Variants in NEK7 observed in about 807,000 individuals in gnomAD.
The protein encoded by NEK7 is NIMA related kinase 7.
Under a neutral mutation model 44.6 loss-of-function variants are expected in NEK7, and 18 were observed. The observed-to-expected ratio is 0.40, with a 90% CI of 0.28 to 0.60. NEK7 has a LOEUF of 0.60. NEK7 is among the 20% of genes least tolerant of loss of function. The pLI, the probability that NEK7 is intolerant of heterozygous loss-of-function variation, is 0.38. For synonymous variants in NEK7, 130 were observed against 121.1 expected, an observed-to-expected ratio of 1.07 and a Z score of -0.48; for missense variants, 256 against 366.5, an observed-to-expected ratio of 0.70 and a Z score of 2.46.
chr1:198,287,868 G>A (rs1030153343), intron 7 of NEK7, among the ~76,000 whole-genome samples: 15 of 152,182 alleles, frequency 9.9e-5, no homozygotes, highest in Non-Finnish European at 7.3e-5. Flanking sequence ...TTCTCAGTGA[G>A]ACAAATGGTT....
intron 1 of NEK7, among the ~76,000 whole-genome samples, chr1:198,225,010 A>T (rs1326140205): frequency 1.9e-4 from 29 of 152,198 alleles, no homozygotes; most frequent in Admixed American, 1.8e-3. Context: ...TGCAGTGAAG[A>T]TACAAATTTC....
chr1:198,250,445 C>A (rs1376816080), intron 2 of NEK7, among the ~76,000 whole-genome samples: 5 of 152,004 alleles, frequency 3.3e-5, no homozygotes, highest in Non-Finnish European at 7.4e-5. Flanking sequence ...ATGGGAACGG[C>A]ATTGAATCTA....
At chr1:198,179,817 G>C (rs867330598) in intron 1 of NEK7, among the ~76,000 whole-genome samples, 1 of 151,498 alleles carries the variant, frequency 6.6e-6, no homozygotes, top group African/African-American at 2.4e-5. Flanking sequence ...GTGTGTGTAT[G>C]TATGTGTGTG....
intron 9 of NEK7, among the ~76,000 whole-genome samples, chr1:198,309,008 T>A (rs2103031193): frequency 6.6e-6 from 1 of 152,302 alleles, no homozygotes; most frequent in Non-Finnish European, 1.5e-5. Flanking sequence ...ATCCTCTAGA[T>A]CTTGCAGTTT....
At chr1:198,280,399 A>G (rs1654158479) in intron 7 of NEK7, among the ~76,000 whole-genome samples, 1 of 152,086 alleles carries the variant, frequency 6.6e-6, no homozygotes. Flanking sequence ...ACACCTGCAC[A>G]TGCCCCTGCT....
chr1:198,318,167 A>G (rs1034868309), intron 9 of NEK7, among the ~76,000 whole-genome samples: 2 of 152,206 alleles, frequency 1.3e-5, no homozygotes, highest in East Asian at 3.9e-4. Context: ...GGATGAGAAC[A>G]GCCCTTATAG....
chr1:198,233,744 C>T (rs1009665339), intron 2 of NEK7, among the ~76,000 whole-genome samples: 2 of 140,464 alleles, frequency 1.4e-5, no homozygotes, highest in Admixed American at 7.0e-5. Context: ...TCTATGGGAT[C>T]CTTTTTTTTT....
At chr1:198,217,111 G>A (rs938956417) in intron 1 of NEK7, among the ~76,000 whole-genome samples, 10 of 152,058 alleles carry the variant, frequency 6.6e-5, no homozygotes, top group African/African-American at 2.4e-4. Context: ...TATGAAGCTA[G>A]TGTCACCCTG....
intron 1 of NEK7, among the ~76,000 whole-genome samples, chr1:198,163,599 G>A (rs1433269961): frequency 6.6e-6 from 1 of 152,092 alleles, no homozygotes; most frequent in African/African-American, 2.4e-5. Flanking sequence ...ATTCCAAACA[G>A]TTTATTTCTA....
intron 1 of NEK7, among the ~76,000 whole-genome samples, chr1:198,163,294 A>G (rs1664163692): frequency 6.6e-6 from 1 of 152,070 alleles, no homozygotes; most frequent in Non-Finnish European, 1.5e-5. Flanking sequence ...GGAGTTCAAG[A>G]CCAGCCTGAT....
At chr1:198,263,984 C>A in intron 4 of NEK7, 141 bp from the exon 5 acceptor site, 1 of 687,696 alleles carries the variant, frequency 1.5e-6, no homozygotes, top group Non-Finnish European at 2.1e-6. Context: ...TTTCACAATT[C>A]ACTAAAGAAA....
chr1:198,163,182 A>G (rs2102700024), intron 1 of NEK7, among the ~76,000 whole-genome samples: 1 of 152,268 alleles, frequency 6.6e-6, no homozygotes, highest in African/African-American at 2.4e-5. Context: ...TTTATATCTA[A>G]CTGCTGGACC....
intron 1 of NEK7, among the ~76,000 whole-genome samples, chr1:198,182,858 C>T (rs925796392): frequency 6.6e-6 from 1 of 152,126 alleles, no homozygotes; most frequent in Non-Finnish European, 1.5e-5. Flanking sequence ...TTATGGACTT[C>T]ATAATCCCGA....
chr1:198,193,678 CTA>C (rs1158859802), intron 1 of NEK7, among the ~76,000 whole-genome samples: 1 of 152,036 alleles, frequency 6.6e-6, no homozygotes, highest in Non-Finnish European at 1.5e-5. Flanking sequence ...TAAATGTAAC[CTA>C]TAACATAAAC....
intron 1 of NEK7, among the ~76,000 whole-genome samples, chr1:198,159,081 C>T (rs1664011923): frequency 6.6e-6 from 1 of 152,178 alleles, no homozygotes; most frequent in Non-Finnish European, 1.5e-5. Flanking sequence ...GCCCGGAGGA[C>T]CCTCCCGGAG....
intron 1 of NEK7, among the ~76,000 whole-genome samples, chr1:198,158,576 A>T (rs1663991621): frequency 6.6e-6 from 1 of 152,236 alleles, no homozygotes; most frequent in South Asian, 2.1e-4. Context: ...TAGTCCTTGC[A>T]CTCAAAAGCT....
intron 1 of NEK7, among the ~76,000 whole-genome samples, chr1:198,215,519 T>C (rs1166887805): frequency 6.7e-6 from 1 of 150,114 alleles, no homozygotes; most frequent in Non-Finnish European, 1.5e-5. Flanking sequence ...TCAGCTGTCA[T>C]TAGTTTATGT....
At chr1:198,280,868 A>G (rs901699487) in intron 7 of NEK7, among the ~76,000 whole-genome samples, 1 of 151,252 alleles carries the variant, frequency 6.6e-6, no homozygotes, top group Non-Finnish European at 1.5e-5. Context: ...CAGCAGTGAA[A>G]AAATAGAAAT....
intron 3 of NEK7, among the ~76,000 whole-genome samples, chr1:198,261,079 A>T (rs1204497526): frequency 1.3e-5 from 2 of 152,020 alleles, no homozygotes; most frequent in African/African-American, 2.4e-5. Flanking sequence ...ACTTTTATGC[A>T]GTAGATATCT....
Sources: allele counts gnomAD v4.1 joint callset (sites outside exome capture counted in the v4.1 genomes callset), GRCh38; gene constraint gnomAD v4.1.1; transcripts MANE v1.5; gene names NCBI Gene and HGNC (gene_info 2026-07-23, HGNC 2026-07-21).